Variants in PMFBP1 observed in about 807,000 individuals in gnomAD.
The protein encoded by PMFBP1 is polyamine modulated factor 1 binding protein 1.
A neutral mutation model predicts 137.8 loss-of-function variants in PMFBP1; 131 were observed. That is an observed-to-expected ratio of 0.95 (90% confidence interval 0.82 to 1.10). The LOEUF (loss-of-function observed/expected upper bound fraction) is 1.10, where lower values mean the gene tolerates loss of function less well. Ranked by LOEUF, PMFBP1 falls within the 50% of genes least tolerant of loss-of-function variation. The pLI, the probability that PMFBP1 is intolerant of heterozygous loss-of-function variation, is 0.00. For missense variants in PMFBP1, 1,199 were observed against 1,175.4 expected (o/e 1.02, Z -0.29); for synonymous variants, 490 against 450.4 (o/e 1.09, Z -1.11).
At chr16:72,130,491 G>C (rs1391135181) in intron 11 of PMFBP1, 42 bp downstream of exon 11, 1 of 1,611,772 alleles carries the variant, frequency 6.2e-7, no homozygotes, top group Non-Finnish European at 8.5e-7. Context: ...TGGGTCAAGA[G>C]TGACAGAACC....
the PMFBP1 span, among the ~76,000 whole-genome samples, chr16:72,190,693 G>A: frequency 6.6e-6 from 1 of 152,118 alleles, no homozygotes; most frequent in South Asian, 2.1e-4. Context: ...TGGGGTTGGG[G>A]AGGCAGACCA....
chr16:72,192,215 A>G, the PMFBP1 span, among the ~76,000 whole-genome samples: 1 of 152,182 alleles, frequency 6.6e-6, no homozygotes, highest in African/African-American at 2.4e-5. Flanking sequence ...GGAGGGAGGG[A>G]AGAAGAGACA....
At chr16:72,200,515 A>T in the PMFBP1 span, among the ~76,000 whole-genome samples, 29 of 152,236 alleles carry the variant, frequency 1.9e-4, no homozygotes. Context: ...ACACAGAGGT[A>T]CATTTCTGGA....
chr16:72,168,000 A>T (rs1363484475), intron 2 of PMFBP1, among the ~76,000 whole-genome samples: 2 of 152,220 alleles, frequency 1.3e-5, no homozygotes, highest in African/African-American at 4.8e-5. Context: ...ATTCTTTTGC[A>T]CCACCAGAAG....
chr16:72,217,609 T>C, the PMFBP1 span, among the ~76,000 whole-genome samples: 2 of 152,182 alleles, frequency 1.3e-5, no homozygotes, highest in African/African-American at 4.8e-5. Flanking sequence ...CCCAACACTT[T>C]GGGAAGCCAA....
At chr16:72,199,581 G>A in the PMFBP1 span, among the ~76,000 whole-genome samples, 2 of 149,796 alleles carry the variant, frequency 1.3e-5, no homozygotes, top group Non-Finnish European at 3.0e-5. Context: ...TTGAACCTGG[G>A]AGGTGGAAGT....
the PMFBP1 span, among the ~76,000 whole-genome samples, chr16:72,190,840 C>T: frequency 6.6e-6 from 1 of 152,164 alleles, no homozygotes; most frequent in Non-Finnish European, 1.5e-5. Context: ...AGATTTAATA[C>T]AGGAAGCTTT....
intron 14 of PMFBP1, among the ~76,000 whole-genome samples, chr16:72,127,280 T>A (rs17603860): frequency 6.6e-6 from 1 of 152,200 alleles, no homozygotes; most frequent in Non-Finnish European, 1.5e-5. Context: ...AAGTGGTAAA[T>A]TGGACTTCTG....
At position 72,130,219 on chromosome 16, in the gene PMFBP1, C is replaced by T; in HGVS notation, c.1776G>A (p.Lys592=). 6.2e-7 allele frequency: 1 copy of T among 1,612,916 alleles called. No homozygotes were observed. Residue 592 remains lysine, a synonymous_variant, in exon 12 of 21, where the codon AAG becomes AAA. Transcript: ENST00000237353. ...ATCTGCCTGCCCGTCATACCTGGTG[C>T]TTGATACGATCAAGCATGTCATTCA... ...MKMNDMLDRI[K]HQHREQGSIK... is the part of the protein sequence containing the mutation.
Position 72,124,763 on chromosome 16 carries a change from C to A in PMFBP1, c.2589+4G>T, listed in dbSNP as rs2042427982. ...GAGGCACGCAGAAGCCAAGGCATGCCCACCTCCTTATCGTCCTCAAGGAGG... is the reference window on the plus strand; with the variant it reads ...GAGGCACGCAGAAGCCAAGGCATGCACACCTCCTTATCGTCCTCAAGGAGG... On this transcript the variant is annotated splice_donor_region_variant and intron_variant, in intron 17 of 20. Transcript: ENST00000237353. 1 of 1,612,760 alleles carries A rather than the reference C, an allele frequency of 6.2e-7. No individual in the cohort carries two copies. The highest frequency in any genetic ancestry group is 1.7e-5 in the Admixed American group (1 of 59,914).
chr16:72,247,640 G>A, the PMFBP1 span, among the ~76,000 whole-genome samples: 3 of 152,162 alleles, frequency 2.0e-5, no homozygotes, highest in Non-Finnish European at 2.9e-5. Context: ...CACAAATCAG[G>A]ATCCAAGGGT....
intron 2 of PMFBP1, among the ~76,000 whole-genome samples, chr16:72,169,674 AACACAC>A (rs34867741): frequency 5.1e-4 from 76 of 150,460 alleles, no homozygotes; most frequent in Non-Finnish European, 7.6e-4. Context: ...AAGAAAGATA[AACACAC>A]ACACACACAC....
chr16:72,214,746 A>G, the PMFBP1 span, among the ~76,000 whole-genome samples: 1 of 152,226 alleles, frequency 6.6e-6, no homozygotes, highest in African/African-American at 2.4e-5. Context: ...AAAACACAGG[A>G]ATAAATCCAA....
intron 3 of PMFBP1, among the ~76,000 whole-genome samples, chr16:72,160,073 A>G (rs1223429900): frequency 5.9e-5 from 9 of 152,302 alleles, no homozygotes; most frequent in Middle Eastern, 3.4e-3. Context: ...CATATTTAGT[A>G]CACATTTCAT....
intron 4 of PMFBP1, among the ~76,000 whole-genome samples, chr16:72,151,743 A>G (rs1164049096): frequency 6.6e-6 from 1 of 152,220 alleles, no homozygotes; most frequent in African/African-American, 2.4e-5. Context: ...AATATTTTAT[A>G]TCCAAATATT....
Position 72,150,691 on chromosome 16 carries a change from A to G in PMFBP1, c.553T>C (p.Tyr185His), listed in dbSNP as rs751266568. 2 of 1,614,124 alleles carry G rather than the reference A, an allele frequency of 1.2e-6. No individual in the cohort carries two copies. The highest frequency in any genetic ancestry group is 2.2e-5 in the East Asian group (1 of 44,878). The change falls in exon 5 of 21, where the codon TAC (tyrosine) becomes CAC (histidine). Residue 185 changes from tyrosine (Y) to histidine (H), a missense_variant. By Grantham distance (83) the Tyr-to-His change is moderately conservative (BLOSUM62 2). Transcript: ENST00000237353. ...TCGATGTTGCTCAGGGAAGACTGGT[A>G]TTTATCCCTGTAGAGGTTTAAGCTC... ...ERSLNLYRDK[Y>H]QSSLSNIELL... is the part of the protein sequence containing the mutation.
the PMFBP1 span, among the ~76,000 whole-genome samples, chr16:72,198,619 G>A: frequency 2.6e-5 from 4 of 152,150 alleles, no homozygotes; most frequent in Non-Finnish European, 5.9e-5. Flanking sequence ...AAAAATGACC[G>A]GCCTCCACTT....
the PMFBP1 span, among the ~76,000 whole-genome samples, chr16:72,188,274 T>G: frequency 1.3e-5 from 2 of 152,302 alleles, no homozygotes; most frequent in South Asian, 4.1e-4. Flanking sequence ...GATGCATTAG[T>G]GGGTTATGAA....
chr16:72,160,876 A>T (rs935065240), intron 3 of PMFBP1, among the ~76,000 whole-genome samples: 2 of 152,194 alleles, frequency 1.3e-5, no homozygotes, highest in Non-Finnish European at 2.9e-5. Flanking sequence ...CAATCTAGGA[A>T]GTCTTCAAAC....
Sources: gnomAD v4.1 joint callset for allele counts (sites outside exome capture counted in the v4.1 genomes callset) on GRCh38, gnomAD v4.1.1 for gene constraint, MANE v1.5 for transcripts, NCBI Gene and HGNC (gene_info 2026-07-23, HGNC 2026-07-21) for gene names.